Variants in INPP4B observed in about 807,000 individuals in gnomAD.
INPP4B encodes the protein inositol polyphosphate-4-phosphatase type II B.
Under a neutral mutation model 122.5 loss-of-function variants are expected in INPP4B, and 55 were observed. That is an observed-to-expected ratio of 0.45 (90% confidence interval 0.36 to 0.56). The LOEUF is 0.56. INPP4B is among the 20% of genes least tolerant of loss of function. The pLI is 0.00. For synonymous variants in INPP4B, 403 were observed against 388.7 expected (o/e 1.04, Z -0.43); for missense variants, 1,000 against 1,097.7 (o/e 0.91, Z 1.26).
At chr4:142,630,605 G>A (rs2150419457) in intron 2 of INPP4B, among the ~76,000 whole-genome samples, 1 of 118,558 alleles carries the variant, frequency 8.4e-6, no homozygotes, top group South Asian at 3.0e-4. Context: ...TGCATTTTAA[G>A]TCTTTTCAGA....
intron 2 of INPP4B, among the ~76,000 whole-genome samples, chr4:142,626,761 C>T (rs1249011931): frequency 2.0e-5 from 3 of 152,036 alleles, no homozygotes; most frequent in East Asian, 1.9e-4. Context: ...TGTCTTTCTA[C>T]TTGAAAAATC....
intron 2 of INPP4B, among the ~76,000 whole-genome samples, chr4:142,480,651 C>T (rs1229856944): frequency 6.6e-6 from 1 of 152,066 alleles, no homozygotes; most frequent in Non-Finnish European, 1.5e-5. Flanking sequence ...TGCATTTCTC[C>T]ATACAAATTC....
intron 1 of INPP4B, among the ~76,000 whole-genome samples, chr4:142,726,672 C>T (rs896453382): frequency 2.0e-5 from 3 of 152,048 alleles, no homozygotes; most frequent in African/African-American, 7.2e-5. Flanking sequence ...TTAAATTCAC[C>T]CCTTAAGAAA....
intron 7 of INPP4B, among the ~76,000 whole-genome samples, chr4:142,331,700 A>C (rs1774575064): frequency 6.6e-6 from 1 of 152,214 alleles, no homozygotes; most frequent in Non-Finnish European, 1.5e-5. Flanking sequence ...GGCCATGGGA[A>C]AGATGCACGC....
intron 2 of INPP4B, among the ~76,000 whole-genome samples, chr4:142,701,074 G>A (rs1171259662): frequency 1.3e-5 from 2 of 152,098 alleles, no homozygotes; most frequent in Admixed American, 1.3e-4. Flanking sequence ...ACTGGTGGGA[G>A]GAATGGAGCC....
chr4:142,177,319 AT>A (rs1221451635), intron 15 of INPP4B, among the ~76,000 whole-genome samples: 6 of 152,328 alleles, frequency 3.9e-5, no homozygotes, highest in Admixed American at 3.9e-4. Context: ...TTATCTACCT[AT>A]TCAGTGCCTT....
intron 2 of INPP4B, among the ~76,000 whole-genome samples, chr4:142,658,560 T>G (rs1056346063): frequency 2.6e-5 from 4 of 152,384 alleles, no homozygotes; most frequent in Admixed American, 6.5e-5. Context: ...GCCTGGTTCC[T>G]CTAGAATTTT....
At chr4:142,101,298 G>A (rs1426316083) in intron 23 of INPP4B, among the ~76,000 whole-genome samples, 1 of 152,020 alleles carries the variant, frequency 6.6e-6, no homozygotes, top group Non-Finnish European at 1.5e-5. Context: ...TGTTTATGGA[G>A]CATTGCCCAT....
At chr4:142,724,771 C>A (rs1324976349) in intron 2 of INPP4B, among the ~76,000 whole-genome samples, 3 of 152,040 alleles carry the variant, frequency 2.0e-5, no homozygotes, top group African/African-American at 7.2e-5. Context: ...ATTTGTAATT[C>A]AAATTTAACA....
chr4:142,180,058 T>C (rs569129181), intron 15 of INPP4B, among the ~76,000 whole-genome samples: 179 of 152,276 alleles, frequency 1.2e-3, no homozygotes, highest in Non-Finnish European at 1.0e-4. Context: ...GTAAAAATCA[T>C]ACCCCAATAC....
intron 5 of INPP4B, among the ~76,000 whole-genome samples, chr4:142,406,473 A>G (rs1321422248): frequency 6.6e-6 from 1 of 152,240 alleles, no homozygotes; most frequent in African/African-American, 2.4e-5. Context: ...TATAGATGCA[A>G]TTATCACCTT....
intron 7 of INPP4B, among the ~76,000 whole-genome samples, chr4:142,335,756 G>C (rs1776354662): frequency 6.6e-6 from 1 of 152,162 alleles, no homozygotes; most frequent in Non-Finnish European, 1.5e-5. Context: ...TTATCAGAAA[G>C]AAACCTGCAT....
chr4:142,079,925 G>GGAAAAT (rs1772993180), intron 25 of INPP4B, among the ~76,000 whole-genome samples: 4 of 151,986 alleles, frequency 2.6e-5, no homozygotes, highest in African/African-American at 9.7e-5. Context: ...AGATTATACT[G>GGAAAAT]CACATGGAAA....
chr4:142,687,558 C>A (rs1759532319), intron 2 of INPP4B, among the ~76,000 whole-genome samples: 1 of 60,062 alleles, frequency 1.7e-5, no homozygotes. Context: ...TATCCTTCCT[C>A]CAAAAAAAAA....
intron 2 of INPP4B, among the ~76,000 whole-genome samples, chr4:142,591,813 C>G (rs1737566671): frequency 6.6e-6 from 1 of 152,050 alleles, no homozygotes; most frequent in South Asian, 2.1e-4. Flanking sequence ...AGACAAATTC[C>G]AGTAGAGAGA....
At chr4:142,663,793 T>C (rs1755600224) in intron 2 of INPP4B, among the ~76,000 whole-genome samples, 1 of 152,196 alleles carries the variant, frequency 6.6e-6, no homozygotes, top group Admixed American at 6.5e-5. Flanking sequence ...TTTTCTGATT[T>C]TCAGACAAAT....
intron 7 of INPP4B, among the ~76,000 whole-genome samples, chr4:142,381,499 T>C (rs1190761291): frequency 6.6e-6 from 1 of 152,112 alleles, no homozygotes; most frequent in Non-Finnish European, 1.5e-5. Flanking sequence ...TTGCAAATAA[T>C]TTTTCATATC....
rs914130982 is a variant in INPP4B, at chr4:142,025,678, A to C, written c.*3104T>G. 3 of 152,186 alleles carry C rather than the reference A, an allele frequency of 2.0e-5. No homozygotes were observed. Among genetic ancestry groups the C allele is most frequent in the African/African-American group, 7.2e-5 (3 of 41,460 alleles). The allele number at this position is 152,186 out of a possible 1,614,324, so 9.4% of individuals were successfully genotyped here. ...TGCCATACATAGCTGAAGGATAAAA[A>C]GGAAGTATCCTCCATCCAAATGCTA... On this transcript the variant is annotated 3_prime_UTR_variant, in exon 26 of 26. Transcript: ENST00000262992.
At chr4:142,631,340 T>G (rs770942358) in intron 2 of INPP4B, among the ~76,000 whole-genome samples, 2 of 152,096 alleles carry the variant, frequency 1.3e-5, no homozygotes, top group Non-Finnish European at 2.9e-5. Flanking sequence ...TAGCAACAGT[T>G]GCAGAACTAT....
Sources: allele counts gnomAD v4.1 joint callset (sites outside exome capture counted in the v4.1 genomes callset), GRCh38; gene constraint gnomAD v4.1.1; transcripts MANE v1.5; gene names NCBI Gene and HGNC (gene_info 2026-07-23, HGNC 2026-07-21).